The following ANAPC4 variants were observed in gnomAD, a reference collection of about 807,000 sequenced individuals.
ANAPC4 encodes the protein anaphase promoting complex subunit 4.
ANAPC4 carries 63 observed loss-of-function variants against 119.8 expected under a neutral mutation model. The observed-to-expected ratio is 0.53, with a 90% CI of 0.43 to 0.65. The LOEUF is 0.65. Among genes scored for constraint, ANAPC4 ranks in the 30% least tolerant of loss-of-function variants. The pLI, the probability that ANAPC4 is intolerant of heterozygous loss-of-function variation, is 0.00. For synonymous variants in ANAPC4, 283 were observed against 318.6 expected (o/e 0.89, Z 1.19); for missense variants, 716 against 945.1 (o/e 0.76, Z 3.18).
chr4:25,386,560 T>C (rs984467790), intron 4 of ANAPC4, among the ~76,000 whole-genome samples: 1 of 152,154 alleles, frequency 6.6e-6, no homozygotes, highest in Non-Finnish European at 1.5e-5. Context: ...TAAACAATTA[T>C]AATAGTAACA....
At chr4:25,406,997 C>CT (rs1723286105) in intron 19 of ANAPC4, 112 bp downstream of exon 19, 9 of 967,436 alleles carry the variant, frequency 9.3e-6, no homozygotes, top group South Asian at 1.6e-5. Flanking sequence ...ATAGCAATTA[C>CT]TTTTTTAAAA....
chr4:25,403,042 G>T lies in ANAPC4; in HGVS notation c.1270+16G>T. On this transcript the variant is annotated intron_variant, in intron 17 of 28. Coordinates refer to ENST00000315368, the MANE Select transcript of ANAPC4 (RefSeq NM_013367.3). ...CTTTATGTGGGTAAGTTAATTGAGT[G>T]AAGCATTTTTATTTTAACACTTTAA... is the stretch of plus-strand genomic sequence containing the variant. 1 of 1,586,554 alleles carries T rather than the reference G, an allele frequency of 6.3e-7. No individual in the cohort carries two copies. The highest frequency in any genetic ancestry group is 8.6e-7 in the Non-Finnish European group (1 of 1,160,980).
intron 7 of ANAPC4, among the ~76,000 whole-genome samples, 174 bp from the exon 8 acceptor site, chr4:25,389,962 G>A (rs186408): frequency 0.9 from 137,085 of 152,232 alleles, 62,013 homozygotes; most frequent in African/African-American, 0.97. Flanking sequence ...AAAAAGGAAT[G>A]AGCCTGATGT....
chr4:25,381,403 C>T (rs1029959242), intron 3 of ANAPC4, among the ~76,000 whole-genome samples: 9 of 152,132 alleles, frequency 5.9e-5, no homozygotes, highest in South Asian at 2.1e-4. Flanking sequence ...CTTCACCTCC[C>T]GGGTTCAAGC....
At chr4:25,389,308 G>A (rs1722212635) in intron 7 of ANAPC4, among the ~76,000 whole-genome samples, 2 of 152,194 alleles carry the variant, frequency 1.3e-5, no homozygotes, top group South Asian at 4.2e-4. Context: ...ACAGGCACCC[G>A]CCACCAGGCC....
At position 25,405,654 on chromosome 4, in the gene ANAPC4, A is replaced by G; in HGVS notation, c.1317+35A>G. ...ACTAGTGCATTTTCACAGTGTTCAC[A>G]TTGTCCTGCTTGAACTCAGCTGTGC... On this transcript the variant is annotated intron_variant, in intron 18 of 28. Transcript: ENST00000315368. This position sits in a 1 kb window ranked among gnomAD's most constrained non-coding sequence, Gnocchi z 4.6. 1 of 1,606,354 alleles carries G rather than the reference A, an allele frequency of 6.2e-7. No homozygotes were observed. The highest frequency in any genetic ancestry group is 8.5e-7 in the Non-Finnish European group (1 of 1,173,460).
At chr4:25,406,755 T>C in intron 18 of ANAPC4, 74 bp from the exon 19 acceptor site, 6 of 1,139,612 alleles carry the variant, frequency 5.3e-6, no homozygotes, top group Non-Finnish European at 7.6e-6. Context: ...GTCACATTTA[T>C]AATTATGTAC....
At chr4:25,401,851 G>T (rs548104608) in intron 16 of ANAPC4, among the ~76,000 whole-genome samples, 1 of 152,300 alleles carries the variant, frequency 6.6e-6, no homozygotes, top group South Asian at 2.1e-4. Flanking sequence ...AAAAAAACAC[G>T]AAGAGAAATG....
chr4:25,412,069 C>T (rs1283674202), intron 21 of ANAPC4, among the ~76,000 whole-genome samples: 2 of 152,134 alleles, frequency 1.3e-5, no homozygotes, highest in Non-Finnish European at 2.9e-5. Flanking sequence ...GAACCTTCCT[C>T]CCTTTCAGGT....
chr4:25,397,919 T>C (rs1722747874), intron 16 of ANAPC4, among the ~76,000 whole-genome samples: 2 of 152,054 alleles, frequency 1.3e-5, no homozygotes, highest in Middle Eastern at 3.4e-3. Context: ...CCTCCCTCTT[T>C]TATTTACTTT....
chr4:25,391,804 C>T (rs1252912631), intron 9 of ANAPC4, among the ~76,000 whole-genome samples: 1 of 152,190 alleles, frequency 6.6e-6, no homozygotes, highest in Non-Finnish European at 1.5e-5. Flanking sequence ...CATCAGAGAA[C>T]TCTTGGTTTA....
chr4:25,394,141 T>G (rs1295994109), intron 11 of ANAPC4, among the ~76,000 whole-genome samples, 169 bp from the exon 12 acceptor site: 1 of 152,190 alleles, frequency 6.6e-6, no homozygotes, highest in Non-Finnish European at 1.5e-5. Flanking sequence ...GGGCAGGTGT[T>G]AGAACAGCTG....
At chr4:25,415,576 A>G in intron 26 of ANAPC4, 36 bp downstream of exon 26, 2 of 1,552,954 alleles carry the variant, frequency 1.3e-6, no homozygotes, top group Non-Finnish European at 1.8e-6. Context: ...AAATGTAGAT[A>G]CATGTGATAT....
chr4:25,388,868 C>T lies in ANAPC4; in HGVS notation c.501C>T (p.Leu167=). 6.2e-7 allele frequency: 1 copy of T among 1,600,034 alleles called. No homozygotes were observed. Residue 167 remains leucine, a synonymous_variant, in exon 7 of 29, where the codon CTC becomes CTT. Transcript: ENST00000315368. ...SEENSDEIIK[L]LGDVRLNILV... is the part of the protein sequence containing the mutation. ...AAAATTCTGATGAAATTATTAAGCT[C>T]TTGGGAGACGTCAGGTAAATCTTAC...
Position 25,405,657 on chromosome 4 carries a change from G to T in ANAPC4, c.1317+38G>T, listed in dbSNP as rs1274481969. 3.7e-6 allele frequency: 6 copies of T among 1,603,518 alleles called. No homozygotes were observed. The highest frequency in any genetic ancestry group is 5.1e-6 in the Non-Finnish European group (6 of 1,171,230). On this transcript the variant is annotated intron_variant, in intron 18 of 28. Coordinates refer to ENST00000315368, the MANE Select transcript of ANAPC4 (RefSeq NM_013367.3). This position sits in a 1 kb window ranked among gnomAD's most constrained non-coding sequence, Gnocchi z 4.6. ...AGTGCATTTTCACAGTGTTCACATT[G>T]TCCTGCTTGAACTCAGCTGTGCTGG...
In ANAPC4 at chr4:25,393,910, C is replaced by A. The variant is rs1577381060; in HGVS notation, c.876+19C>A. The A allele has an allele frequency of 2.5e-6, 4 of 1,583,528 alleles. No individual in the cohort carries two copies. Among genetic ancestry groups the A allele is most frequent in the Non-Finnish European group, 3.4e-6 (4 of 1,161,500 alleles). On this transcript the variant is annotated intron_variant, in intron 11 of 28. Coordinates refer to ENST00000315368, the MANE Select transcript of ANAPC4 (RefSeq NM_013367.3). ...TGTGCAGGTAAAGCAGCTGAAGTTT[C>A]CCATGGAGAGAGTTAAAGAATGCAT...
Position 25,380,435 on chromosome 4 carries a change from C to T in ANAPC4, c.191C>T (p.Thr64Ile), listed in dbSNP as rs890009718. 7 of 1,612,850 alleles carry T rather than the reference C, an allele frequency of 4.3e-6. No individual in the cohort carries two copies. The Admixed American group carries it at 8.3e-5, about 19-fold the overall frequency. The change falls in exon 3 of 29, where the codon ACA becomes ATA. Residue 64 changes from threonine to isoleucine, a missense_variant. Thr to Ile is a moderately conservative substitution (Grantham distance 89, BLOSUM62 -1). Coordinates refer to ENST00000315368, the MANE Select transcript of ANAPC4 (RefSeq NM_013367.3). ...TGGAGTTTTCCACCAAATGAAAATA[C>T]AGGAAAGGAGGTGACGTGTCTGGCA... The part of the protein sequence containing the change: ...RVWSFPPNEN[T>I]GKEVTCLAWR...
Position 25,406,898 on chromosome 4 carries a change from T to C in ANAPC4, c.1374+13T>C. ...ACATTTCAATGAGGTAAGAAGTTGA[T>C]ATTTCTGTAATGCAGTTTAAAAAAA... is the stretch of plus-strand genomic sequence containing the variant. On this transcript the variant is annotated intron_variant, in intron 19 of 28. Transcript: ENST00000315368. 2 of 1,570,966 alleles carry C rather than the reference T, an allele frequency of 1.3e-6. No individual in the cohort carries two copies. Among genetic ancestry groups the C allele is most frequent in the Non-Finnish European group, 1.7e-6 (2 of 1,153,962 alleles).
chr4:25,402,655 A>G (rs2109132937), intron 16 of ANAPC4, among the ~76,000 whole-genome samples: 1 of 152,248 alleles, frequency 6.6e-6, no homozygotes, highest in East Asian at 1.9e-4. Flanking sequence ...GATTTCTTTT[A>G]TTTGCAAAGT....
Sources: gnomAD v4.1 joint callset for allele counts (sites outside exome capture counted in the v4.1 genomes callset) on GRCh38, gnomAD v4.1.1 for gene constraint, Gnocchi (gnomAD v3.1) non-coding constraint, MANE v1.5 for transcripts, NCBI Gene and HGNC (gene_info 2026-07-23, HGNC 2026-07-21) for gene names.